ATP2B1: variants seen among roughly 807,000 people sequenced by gnomAD.
The protein encoded by ATP2B1 is plasma membrane calcium-transporting ATPase 1.
A neutral mutation model predicts 124.2 loss-of-function variants in ATP2B1; 14 were observed. The ratio of observed to expected loss-of-function variants is 0.11; its 90% CI spans 0.07 to 0.18. The LOEUF is 0.18. Among genes scored for constraint, ATP2B1 ranks in the 10% least tolerant of loss-of-function variants. ATP2B1 has a pLI of 1.00. For synonymous variants in ATP2B1, 449 were observed against 492.4 expected (o/e 0.91, Z 1.17); for missense variants, 763 against 1,466.1 (o/e 0.52, Z 7.83).
chr12:89,706,815 CT>C (rs1892505395), intron 1 of ATP2B1, among the ~76,000 whole-genome samples: 1 of 152,138 alleles, frequency 6.6e-6, no homozygotes, highest in African/African-American at 2.4e-5. Flanking sequence ...ATGTGACTCA[CT>C]TTTGCAGACT....
intron 6 of ATP2B1, 55 bp from the exon 7 acceptor site, chr12:89,627,771 C>T (rs946459236): frequency 1.3e-6 from 2 of 1,544,194 alleles, no homozygotes; most frequent in Non-Finnish European, 1.8e-6. Flanking sequence ...TACAGCCATG[C>T]TAAATTATGC....
At chr12:89,700,387 T>TG (rs1891699214) in intron 1 of ATP2B1, among the ~76,000 whole-genome samples, 1 of 152,156 alleles carries the variant, frequency 6.6e-6, no homozygotes, top group South Asian at 2.1e-4. Flanking sequence ...TGGTATTAGT[T>TG]GTCAGGAGTG....
chr12:89,659,936 A>C (rs1008707469), intron 1 of ATP2B1, among the ~76,000 whole-genome samples: 1 of 151,474 alleles, frequency 6.6e-6, no homozygotes, highest in African/African-American at 2.4e-5. Context: ...AAAAACAAAA[A>C]AAAACAAAAA....
At chr12:89,646,545 C>T (rs1022627155) in intron 2 of ATP2B1, among the ~76,000 whole-genome samples, 8 of 152,004 alleles carry the variant, frequency 5.3e-5, no homozygotes, top group African/African-American at 1.9e-4. Context: ...AGCCCAGAGA[C>T]GAAAAGAGGT....
At chr12:89,697,226 G>T (rs548489871) in intron 1 of ATP2B1, among the ~76,000 whole-genome samples, 3 of 152,206 alleles carry the variant, frequency 2.0e-5, no homozygotes, top group Non-Finnish European at 4.4e-5. Flanking sequence ...TAATTATTTG[G>T]AAAAAATGTC....
chr12:89,634,615 T>C (rs1241633836), intron 5 of ATP2B1, among the ~76,000 whole-genome samples, 163 bp downstream of exon 5: 1 of 152,196 alleles, frequency 6.6e-6, no homozygotes, highest in Non-Finnish European at 1.5e-5. Context: ...CTAATGTTTT[T>C]GTCAGCTTAC....
At chr12:89,700,452 G>C (rs1036021638) in intron 1 of ATP2B1, among the ~76,000 whole-genome samples, 3 of 152,138 alleles carry the variant, frequency 2.0e-5, no homozygotes, top group Non-Finnish European at 4.4e-5. Context: ...ACAAAAAAGA[G>C]TAGTTATAGC....
intron 1 of ATP2B1, among the ~76,000 whole-genome samples, chr12:89,674,189 C>A (rs1592939642): frequency 6.6e-6 from 1 of 152,114 alleles, no homozygotes; most frequent in Non-Finnish European, 1.5e-5. Flanking sequence ...ATCAATCAAT[C>A]AATCAATCAA....
chr12:89,703,869 T>C (rs1892147672), intron 1 of ATP2B1, among the ~76,000 whole-genome samples: 1 of 152,194 alleles, frequency 6.6e-6, no homozygotes, highest in Non-Finnish European at 1.5e-5. Context: ...AATGTCAATG[T>C]TTCTCAAAAT....
intron 20 of ATP2B1, among the ~76,000 whole-genome samples, chr12:89,598,055 A>AAAAAAAAAAAAAAAC (rs1460295426): frequency 6.6e-6 from 1 of 150,732 alleles, no homozygotes; most frequent in Non-Finnish European, 1.5e-5. Context: ...AAAAAAAAAA[A>AAAAAAAAAAAAAAAC]AAAAAAAATC....
chr12:89,675,098 A>C (rs999588877), intron 1 of ATP2B1, among the ~76,000 whole-genome samples: 2 of 152,190 alleles, frequency 1.3e-5, no homozygotes, highest in African/African-American at 2.4e-5. Flanking sequence ...TTTAATCCAG[A>C]AGTGTCCTGT....
chr12:89,599,619 C>T (rs1875391858), intron 19 of ATP2B1, among the ~76,000 whole-genome samples: 1 of 151,850 alleles, frequency 6.6e-6, no homozygotes. Flanking sequence ...TTAAAAAGTC[C>T]TATTTATTTT....
intron 3 of ATP2B1, 84 bp from the exon 4 acceptor site, chr12:89,635,335 G>C (rs1882527624): frequency 7.0e-7 from 1 of 1,432,130 alleles, no homozygotes; most frequent in African/African-American, 1.4e-5. Flanking sequence ...TCATATTTTT[G>C]TGTTAATTAT....
chr12:89,697,224 T>C (rs1405543962), intron 1 of ATP2B1, among the ~76,000 whole-genome samples: 2 of 152,196 alleles, frequency 1.3e-5, no homozygotes, highest in Non-Finnish European at 2.9e-5. Flanking sequence ...TGTAATTATT[T>C]GGAAAAAATG....
At chr12:89,623,972 G>A (rs544063092) in intron 9 of ATP2B1, among the ~76,000 whole-genome samples, 2 of 152,206 alleles carry the variant, frequency 1.3e-5, no homozygotes, top group African/African-American at 4.8e-5. Context: ...TTGTGTCAAG[G>A]CTGCCCTATG....
intron 1 of ATP2B1, among the ~76,000 whole-genome samples, chr12:89,660,884 T>A (rs1886619927): frequency 6.6e-6 from 1 of 152,192 alleles, no homozygotes; most frequent in African/African-American, 2.4e-5. Context: ...GAAAAGAGAA[T>A]CAGTATATGA....
intron 1 of ATP2B1, among the ~76,000 whole-genome samples, chr12:89,680,072 T>C (rs1889147207): frequency 6.6e-6 from 1 of 152,136 alleles, no homozygotes; most frequent in Non-Finnish European, 1.5e-5. Context: ...ACAATAAGCA[T>C]TCTTAAACTA....
intron 2 of ATP2B1, among the ~76,000 whole-genome samples, chr12:89,650,980 T>C (rs1338391303): frequency 6.6e-6 from 1 of 152,204 alleles, no homozygotes; most frequent in Non-Finnish European, 1.5e-5. Context: ...GGTATAAAAG[T>C]GCATTCTTGG....
chr12:89,708,758 C>T lies in ATP2B1; in HGVS notation c.-384G>A, dbSNP rs1266863681. On this transcript the variant is annotated 5_prime_UTR_variant, in exon 1 of 21. Transcript: ENST00000428670. ...CTCGGGGCGCCACGCGGAGGTGCAGCTGCACCTCGGGGATGGGGCGGCCAA... is the reference window on the plus strand; with the variant it reads ...CTCGGGGCGCCACGCGGAGGTGCAGTTGCACCTCGGGGATGGGGCGGCCAA... 2.0e-5 allele frequency: 3 copies of T among 152,000 alleles called. No homozygotes were observed. Among genetic ancestry groups the T allele is most frequent in the Non-Finnish European group, 2.9e-5 (2 of 68,006 alleles). The allele number at this position is 152,000 out of a possible 1,614,324, so 9.4% of individuals were successfully genotyped here.
Sources: allele counts gnomAD v4.1 joint callset (sites outside exome capture counted in the v4.1 genomes callset), GRCh38; gene constraint gnomAD v4.1.1; transcripts MANE v1.5; gene names NCBI Gene and HGNC (gene_info 2026-07-23, HGNC 2026-07-21).